Variants in CCDC146 observed in about 807,000 individuals in gnomAD.
The protein encoded by CCDC146 is coiled-coil domain-containing protein 146.
CCDC146 carries 92 observed loss-of-function variants against 119.3 expected under a neutral mutation model. The observed-to-expected ratio is 0.77, with a 90% CI of 0.65 to 0.92. The LOEUF is 0.92. Among genes scored for constraint, CCDC146 ranks in the 40% least tolerant of loss-of-function variants. The pLI, the probability that CCDC146 is intolerant of heterozygous loss-of-function variation, is 0.00. For missense variants in CCDC146, 1,000 were observed against 1,103.0 expected, an observed-to-expected ratio of 0.91 and a Z score of 1.32; for synonymous variants, 372 against 371.8, an observed-to-expected ratio of 1.00 and a Z score of -0.01.
intron 1 of CCDC146, among the ~76,000 whole-genome samples, chr7:77,146,573 C>T (rs1791023300): frequency 6.6e-6 from 1 of 152,162 alleles, no homozygotes; most frequent in Non-Finnish European, 1.5e-5. Flanking sequence ...ATGTTTAGTG[C>T]TTCCTTCAGG....
In CCDC146 at chr7:77,284,376, C is replaced by G. The variant is rs543468665; in HGVS notation, c.2148+1591C>G. Reference sequence around the variant, plus strand: ...ACCTCCCCTCTCCCTCCACAGCCTCCTCATCCCAGATTGCCCCCAGGAACT... The same window carrying G: ...ACCTCCCCTCTCCCTCCACAGCCTCGTCATCCCAGATTGCCCCCAGGAACT... On this transcript the variant is annotated intron_variant, in intron 15 of 18. Transcript: ENST00000285871. 2.0e-5 allele frequency among the ~76,000 whole-genome samples: 3 copies of G among 152,206 alleles called. No homozygotes were observed. The South Asian group carries it at 6.2e-4, about 32-fold the overall frequency.
In CCDC146 at chr7:77,294,881, C is replaced by A; in HGVS notation, c.*15C>A. 1 of 1,605,558 alleles carries A rather than the reference C, an allele frequency of 6.2e-7. No homozygotes were observed. Among genetic ancestry groups the A allele is most frequent in the Non-Finnish European group, 8.5e-7 (1 of 1,174,790 alleles). On this transcript the variant is annotated 3_prime_UTR_variant, in exon 19 of 19. Coordinates refer to ENST00000285871, the MANE Select transcript of CCDC146 (RefSeq NM_020879.3). ...TTGAAATCTGAATATGTGAACAAAT[C>A]CAGGCCTCTCAAGGAAAAGACTTCA...
chr7:77,294,661 A>C lies in CCDC146; in HGVS notation c.2665-2A>C. On this transcript the variant is annotated splice_acceptor_variant, in intron 18 of 18. Transcript: ENST00000285871. LOFTEE classifies it high-confidence loss of function. ...CTGAAAAGGAAAAATCATTCTTTGC[A>C]GGAGTTCTTGGAAGCAGATAATCGC... The C allele has an allele frequency of 6.2e-7, 1 of 1,614,046 alleles. No homozygotes were observed. Among genetic ancestry groups the C allele is most frequent in the Non-Finnish European group, 8.5e-7 (1 of 1,179,902 alleles).
intron 9 of CCDC146, among the ~76,000 whole-genome samples, chr7:77,265,840 T>A (rs1412654437): frequency 1.3e-5 from 2 of 152,218 alleles, no homozygotes; most frequent in African/African-American, 2.4e-5. Context: ...TTTGCCTCCC[T>A]GAGACATTTG....
chr7:77,175,314 CATT>C (rs1438115897), intron 2 of CCDC146, among the ~76,000 whole-genome samples: 4 of 149,974 alleles, frequency 2.7e-5, no homozygotes, highest in Non-Finnish European at 5.9e-5. Flanking sequence ...TTGTTCCAAT[CATT>C]GTTAAGTAAG....
intron 2 of CCDC146, among the ~76,000 whole-genome samples, chr7:77,180,472 G>A (rs1466246489): frequency 6.6e-6 from 1 of 152,172 alleles, no homozygotes; most frequent in African/African-American, 2.4e-5. Context: ...GGTAAGGCAG[G>A]CAGATTGCTT....
rs189240122 is a variant in CCDC146, at chr7:77,241,642, A to G, written c.240-49A>G. ...CACTAGACCCCCACAGGAGCCACCG[A>G]GGATGTACATGTCTCATTATGTGAG... On this transcript the variant is annotated intron_variant, in intron 3 of 18. Transcript: ENST00000285871. 49 of 1,541,374 alleles carry G rather than the reference A, an allele frequency of 3.2e-5. 1 individual carries two copies. The East Asian group carries it at 9.7e-4, about 30-fold the overall frequency.
At chr7:77,263,009 A>G (rs1311028295) in intron 9 of CCDC146, among the ~76,000 whole-genome samples, 1 of 152,172 alleles carries the variant, frequency 6.6e-6, no homozygotes, top group Non-Finnish European at 1.5e-5. Flanking sequence ...AGCCTCTGAG[A>G]TGAAGCAGCT....
In CCDC146 at chr7:77,280,455, A is replaced by T; in HGVS notation, c.1721A>T (p.His574Leu). ...AAGCTACAAAATTCCATGCTGAAAC[A>T]CGCCAACAATGTTACCATCAGAGAG... ...ERKLQNSMLKHANNVTIRESM... is the reference protein window; with the variant it reads ...ERKLQNSMLKLANNVTIRESM... The change falls in exon 14 of 19, where the codon CAC becomes CTC. Residue 574 changes from histidine (H) to leucine (L), a missense_variant. Around this residue, in one of 2 missense-constraint regions of CCDC146, gnomAD observed 985 missense variants for 1,045.3 expected, o/e 0.94. Coordinates refer to ENST00000285871, the MANE Select transcript of CCDC146 (RefSeq NM_020879.3). 1 of 1,612,712 alleles carries T rather than the reference A, an allele frequency of 6.2e-7. No individual in the cohort carries two copies. The highest frequency in any genetic ancestry group is 8.5e-7 in the Non-Finnish European group (1 of 1,179,508).
chr7:77,149,620 G>T (rs954651670), intron 1 of CCDC146, among the ~76,000 whole-genome samples: 7 of 151,874 alleles, frequency 4.6e-5, no homozygotes, highest in Non-Finnish European at 1.0e-4. Flanking sequence ...ACAAAAATTA[G>T]CTGGGCATGG....
At chr7:77,287,348 G>A (rs181113666) in intron 16 of CCDC146, 92 bp from the exon 17 acceptor site, 1 of 1,329,496 alleles carries the variant, frequency 7.5e-7, no homozygotes, top group African/African-American at 1.5e-5. Context: ...TATTTTGTGG[G>A]GGGTAGGGGG....
chr7:77,242,202 C>A, intron 4 of CCDC146: 1 of 344,484 alleles, frequency 2.9e-6, no homozygotes, highest in Non-Finnish European at 5.2e-6. Flanking sequence ...TTCCCTTGCC[C>A]TTCCCCTGCC....
chr7:77,244,336 C>T (rs1769032643), intron 4 of CCDC146, among the ~76,000 whole-genome samples: 1 of 152,066 alleles, frequency 6.6e-6, no homozygotes, highest in Non-Finnish European at 1.5e-5. Flanking sequence ...CCTAAGTGTA[C>T]AGTGTTTATA....
At chr7:77,263,941 T>G (rs1793351620) in intron 9 of CCDC146, among the ~76,000 whole-genome samples, 1 of 152,062 alleles carries the variant, frequency 6.6e-6, no homozygotes, top group Admixed American at 6.6e-5. Flanking sequence ...AAAAGGAAGT[T>G]TTCTATCTCA....
At chr7:77,164,595 GTA>G (rs1791313870) in intron 1 of CCDC146, among the ~76,000 whole-genome samples, 2 of 152,200 alleles carry the variant, frequency 1.3e-5, no homozygotes, top group Admixed American at 1.3e-4. Flanking sequence ...ACAAGTACAT[GTA>G]TAATTTCCGG....
chr7:77,159,014 T>C (rs1791218467), intron 1 of CCDC146, among the ~76,000 whole-genome samples: 1 of 152,202 alleles, frequency 6.6e-6, no homozygotes, highest in African/African-American at 2.4e-5. Context: ...GGTTGATGTA[T>C]AAAATACTGT....
chr7:77,159,525 A>G (rs1259288448), intron 1 of CCDC146, among the ~76,000 whole-genome samples: 3 of 152,054 alleles, frequency 2.0e-5, no homozygotes, highest in Non-Finnish European at 4.4e-5. Flanking sequence ...TTCTTTGTCC[A>G]TTCATATGTC....
Position 77,262,147 on chromosome 7 carries a change from A to G in CCDC146, c.1013A>G (p.Asn338Ser), listed in dbSNP as rs755216091. ...ERGILDLNLR[N>S]SLIDKQNYHD... The stretch of plus-strand genomic sequence containing the variant: ...GGGATCTTGGATCTCAATTTACGCA[A>G]CAGTCTCATTGACAAGCAGAACTAC... Residue 338 changes from asparagine to serine, a missense_variant, in exon 9 of 19, where the codon AAC becomes AGC. Around this residue, in one of 2 missense-constraint regions of CCDC146, gnomAD observed 985 missense variants for 1,045.3 expected, o/e 0.94. Transcript: ENST00000285871. The G allele has an allele frequency of 2.5e-6, 4 of 1,608,948 alleles. No individual in the cohort carries two copies. The Admixed American group carries it at 5.1e-5, about 21-fold the overall frequency.
rs377437581 is a variant in CCDC146, at chr7:77,282,509, C to T, written c.1920-48C>T. Reference sequence around the variant, plus strand: ...GAGGGAACCACAATGACTAGTAAAACGGTGGTCTCAATGCCCACTTAGCCT... The same window carrying T: ...GAGGGAACCACAATGACTAGTAAAATGGTGGTCTCAATGCCCACTTAGCCT... On this transcript the variant is annotated intron_variant, in intron 14 of 18. Coordinates refer to ENST00000285871, the MANE Select transcript of CCDC146 (RefSeq NM_020879.3). 1.6e-5 allele frequency: 20 copies of T among 1,281,420 alleles called. No homozygotes were observed. The Middle Eastern group carries it at 1.4e-3, about 92-fold the overall frequency. The allele number at this position is 1,281,420 out of a possible 1,614,324, so 79.4% of individuals were successfully genotyped here. A position where few individuals can be genotyped will look rare whatever the true frequency, so the allele number is the denominator to read the frequency against.
Sources: gnomAD v4.1 joint callset for allele counts (sites outside exome capture counted in the v4.1 genomes callset) on GRCh38, gnomAD v4.1.1 for gene constraint, gnomAD v4.1.1 regional missense constraint, MANE v1.5 for transcripts, NCBI Gene and HGNC (gene_info 2026-07-23, HGNC 2026-07-21) for gene names.